The following LTBP1 variants were observed in gnomAD, a reference collection of about 807,000 sequenced individuals.
LTBP1 encodes the protein latent transforming growth factor beta binding protein 1, also known as latent-transforming growth factor beta-binding protein 1.
LTBP1 carries 129 observed loss-of-function variants against 207.6 expected under a neutral mutation model. The ratio of observed to expected loss-of-function variants is 0.62; its 90% CI spans 0.54 to 0.72. LTBP1 has a LOEUF of 0.72. LTBP1 is among the 30% of genes least tolerant of loss of function. The pLI is 0.00. For missense variants in LTBP1, 2,281 were observed against 2,217.2 expected, an observed-to-expected ratio of 1.03 and a Z score of -0.58; for synonymous variants, 963 against 833.7, an observed-to-expected ratio of 1.16 and a Z score of -2.67.
chr2:33,006,012 C>G (rs906568662), intron 2 of LTBP1, among the ~76,000 whole-genome samples: 1 of 152,154 alleles, frequency 6.6e-6, no homozygotes, highest in Admixed American at 6.5e-5. Flanking sequence ...CTTCCTCATT[C>G]TCACTCCACA....
rs1291168183 is a variant in LTBP1, at chr2:33,398,648, A to C, written c.*103A>C. The C allele has an allele frequency of 2.5e-5, 29 of 1,172,984 alleles. No homozygotes were observed. Among genetic ancestry groups the C allele is most frequent in the Non-Finnish European group, 3.3e-5 (28 of 851,698 alleles). The allele number at this position is 1,172,984 out of a possible 1,614,324, so 72.7% of individuals were successfully genotyped here. ...ATTGCACCTACCCCGGAAGGCTGGA[A>C]ATACAGAAACAGCATGGAATTGCAA... On this transcript the variant is annotated 3_prime_UTR_variant, in exon 34 of 34. Transcript: ENST00000404816.
chr2:33,309,330 A>G (rs1317103763), intron 22 of LTBP1, 104 bp from the exon 23 acceptor site: 3 of 711,736 alleles, frequency 4.2e-6, no homozygotes, highest in East Asian at 6.6e-5. Flanking sequence ...AAAATTATGT[A>G]TTATAAATGA....
At chr2:33,383,735 C>T (rs1296262941) in intron 31 of LTBP1, among the ~76,000 whole-genome samples, 3 of 152,082 alleles carry the variant, frequency 2.0e-5, no homozygotes, top group Non-Finnish European at 4.4e-5. Flanking sequence ...CAGAGTTTCA[C>T]CATGTTGCCC....
At chr2:33,150,472 A>G (rs771679327) in intron 5 of LTBP1, among the ~76,000 whole-genome samples, 15 of 151,968 alleles carry the variant, frequency 9.9e-5, no homozygotes, top group Admixed American at 1.3e-4. Context: ...GGCATTGAGT[A>G]TATTCATAAT....
intron 16 of LTBP1, 95 bp downstream of exon 16, chr2:33,273,876 G>T: frequency 2.6e-6 from 3 of 1,146,918 alleles, no homozygotes; most frequent in Non-Finnish European, 3.5e-6. Flanking sequence ...TTTTGGGAAA[G>T]TGTTACTGGT....
intron 24 of LTBP1, among the ~76,000 whole-genome samples, chr2:33,329,273 TATC>T (rs925489058): frequency 6.6e-6 from 1 of 152,332 alleles, no homozygotes; most frequent in Non-Finnish European, 1.5e-5. Flanking sequence ...TTTAACAACT[TATC>T]ATACCTTTAT....
intron 16 of LTBP1, among the ~76,000 whole-genome samples, chr2:33,274,530 T>A (rs1413385745): frequency 6.6e-6 from 1 of 152,226 alleles, no homozygotes; most frequent in East Asian, 1.9e-4. Flanking sequence ...ATACATTATA[T>A]GTGTCACTTT....
chr2:33,309,978 G>A (rs1451354287), intron 23 of LTBP1, among the ~76,000 whole-genome samples: 2 of 138,602 alleles, frequency 1.4e-5, no homozygotes, highest in African/African-American at 5.4e-5. Flanking sequence ...ACAGAGTCTC[G>A]CTCTTGTCAC....
rs1194418158 is a variant in LTBP1, at chr2:33,182,697, TATACACACAC to T, written c.1202-4157_1202-4148del. 2.0e-4 allele frequency among the ~76,000 whole-genome samples: 18 copies of T among 87,870 alleles called. 1 individual carries two copies. The South Asian group carries it at 2.1e-3, about 10-fold the overall frequency. The allele number at this position is 87,870 out of a possible 152,430, so 57.6% of individuals were successfully genotyped here. On this transcript the variant is annotated intron_variant, in intron 5 of 33. Coordinates refer to ENST00000404816, the MANE Select transcript of LTBP1 (RefSeq NM_206943.4). ...AGAAGAAAAGATGGTGATATATATA[TATACACACAC>T]ACACACACACACACACACACACACA...
Position 33,223,260 on chromosome 2 carries a change from A to G in LTBP1, c.1876+1109A>G, listed in dbSNP as rs6739100. Among the ~76,000 whole-genome samples, 1,515 of 152,316 alleles carry G rather than the reference A, an allele frequency of 9.9e-3. 24 individuals carry two copies. Among genetic ancestry groups the G allele is most frequent in the Middle Eastern group, 0.037 (11 of 294 alleles). On this transcript the variant is annotated intron_variant, in intron 9 of 33. Transcript: ENST00000404816. ...GATTTTTTATCTGAGAATTTTCTCA[A>G]TTGTCTATAGTGCATCTGTGTAACT...
chr2:33,202,026 C>CACACACAG (rs1277187177), intron 7 of LTBP1, among the ~76,000 whole-genome samples: 38 of 42,810 alleles, frequency 8.9e-4, no homozygotes, highest in African/African-American at 2.2e-3. Flanking sequence ...CACTGGAACA[C>CACACACAG]ACACACACAC....
intron 16 of LTBP1, among the ~76,000 whole-genome samples, chr2:33,274,051 A>C (rs1349522711): frequency 1.3e-5 from 2 of 152,248 alleles, no homozygotes; most frequent in East Asian, 3.8e-4. Context: ...TAAAGTAAAC[A>C]AAATATGAAT....
intron 13 of LTBP1, among the ~76,000 whole-genome samples, chr2:33,260,665 T>A (rs3769532): frequency 0.34 from 51,652 of 152,120 alleles, 9,069 homozygotes; most frequent in Non-Finnish European, 0.38. Flanking sequence ...GACCAAAAAA[T>A]GTATAACAGA....
intron 24 of LTBP1, among the ~76,000 whole-genome samples, chr2:33,338,344 C>G (rs79904765): frequency 1.3e-5 from 2 of 152,018 alleles, no homozygotes; most frequent in Non-Finnish European, 2.9e-5. Flanking sequence ...TGCACAGTAA[C>G]GAGAAATCAT....
chr2:33,391,920 T>C (rs1029952915), intron 32 of LTBP1, among the ~76,000 whole-genome samples: 1 of 152,218 alleles, frequency 6.6e-6, no homozygotes, highest in African/African-American at 2.4e-5. Context: ...GACGATGTAA[T>C]GGCCTTTACA....
intron 2 of LTBP1, among the ~76,000 whole-genome samples, chr2:32,959,621 A>ATATATATATATATTTTTT (rs1475834284): frequency 2.7e-5 from 1 of 36,668 alleles, no homozygotes; most frequent in Non-Finnish European, 5.0e-5. Context: ...ATATATATAT[A>ATATATATATATATTTTTT]TTTTTTTTTT....
chr2:33,327,826 A>G (rs922623631), intron 24 of LTBP1, among the ~76,000 whole-genome samples: 1 of 151,998 alleles, frequency 6.6e-6, no homozygotes, highest in Non-Finnish European at 1.5e-5. Flanking sequence ...TTCAGTAAAC[A>G]TTCAAGTTGG....
intron 2 of LTBP1, among the ~76,000 whole-genome samples, chr2:33,018,526 C>G (rs917356856): frequency 3.9e-5 from 6 of 152,204 alleles, no homozygotes; most frequent in Non-Finnish European, 8.8e-5. Flanking sequence ...TCAGTCCTTG[C>G]TGTGGCCACT....
chr2:33,390,761 A>T (rs1445442969), intron 32 of LTBP1, among the ~76,000 whole-genome samples: 3 of 152,120 alleles, frequency 2.0e-5, no homozygotes, highest in Non-Finnish European at 4.4e-5. Context: ...CAAAGTGCTT[A>T]TAGGTGTGAG....
Sources: gnomAD v4.1 joint callset for allele counts (sites outside exome capture counted in the v4.1 genomes callset) on GRCh38, gnomAD v4.1.1 for gene constraint, MANE v1.5 for transcripts, NCBI Gene and HGNC (gene_info 2026-07-23, HGNC 2026-07-21) for gene names.